RPS6KA2: variants seen among roughly 807,000 people sequenced by gnomAD.
The protein encoded by RPS6KA2 is ribosomal protein S6 kinase alpha-2.
A neutral mutation model predicts 91.8 loss-of-function variants in RPS6KA2; 42 were observed. That is an observed-to-expected ratio of 0.46 (90% CI 0.36 to 0.59). The LOEUF (loss-of-function observed/expected upper bound fraction) is 0.59. RPS6KA2 is among the 20% of genes least tolerant of loss of function. The pLI is 0.00. For synonymous variants in RPS6KA2, 414 were observed against 393.6 expected (o/e 1.05, Z -0.61); for missense variants, 798 against 978.5 (o/e 0.82, Z 2.46).
intron 11 of RPS6KA2, among the ~76,000 whole-genome samples, chr6:166,468,882 A>AGAG (rs1780645309): frequency 6.6e-6 from 1 of 151,362 alleles, no homozygotes; most frequent in Non-Finnish European, 1.5e-5. Flanking sequence ...AAGAAGACAG[A>AGAG]GAGGAAAGCG....
At chr6:166,548,641 AAAAGACATTT>A (rs1235180125) in intron 1 of RPS6KA2, among the ~76,000 whole-genome samples, 1 of 152,234 alleles carries the variant, frequency 6.6e-6, no homozygotes, top group Non-Finnish European at 1.5e-5. Flanking sequence ...GGCAAAGAAA[AAAAGACATTT>A]AACCTAAATT....
chr6:166,660,685 AC>A (rs1215796652), intron 2 of RPS6KA2, among the ~76,000 whole-genome samples: 1 of 152,134 alleles, frequency 6.6e-6, no homozygotes, highest in Non-Finnish European at 1.5e-5. Context: ...GTAACAGAAC[AC>A]CCACCAAACA....
At chr6:166,442,742 T>A (rs917735293) in intron 14 of RPS6KA2, among the ~76,000 whole-genome samples, 2 of 152,188 alleles carry the variant, frequency 1.3e-5, no homozygotes, top group South Asian at 2.1e-4. Context: ...GTTTTATGCC[T>A]ATTATGACAT....
chr6:166,489,437 C>A (rs1203083962), intron 9 of RPS6KA2, among the ~76,000 whole-genome samples: 1 of 152,130 alleles, frequency 6.6e-6, no homozygotes, highest in Admixed American at 6.5e-5. Context: ...CTGCAAACCC[C>A]GGGAGGGTCT....
chr6:166,612,683 A>G lies in RPS6KA2; in HGVS notation c.99+14238T>C, dbSNP rs1026677390. 3.3e-5 allele frequency among the ~76,000 whole-genome samples: 5 copies of G among 152,074 alleles called. No homozygotes were observed. Among genetic ancestry groups the G allele is most frequent in the African/African-American group, 9.7e-5 (4 of 41,408 alleles). ...TCTGTCCGGGCGTCTGTTGTTACCCATGCTCGGGTAGGAAAATGCTGAGTG... is the reference window on the plus strand; with the variant it reads ...TCTGTCCGGGCGTCTGTTGTTACCCGTGCTCGGGTAGGAAAATGCTGAGTG... On this transcript the variant is annotated intron_variant, in intron 1 of 20. Transcript: ENST00000265678. The surrounding 1 kb of genome is among the most constrained non-coding windows in gnomAD (Gnocchi z 4.3).
At chr6:166,509,784 T>C (rs1366932001) in intron 4 of RPS6KA2, among the ~76,000 whole-genome samples, 1 of 152,216 alleles carries the variant, frequency 6.6e-6, no homozygotes, top group Non-Finnish European at 1.5e-5. Flanking sequence ...TATGTGGCCT[T>C]TGGTTAATTA....
At chr6:166,581,551 GCCA>G (rs1785008732) in intron 1 of RPS6KA2, among the ~76,000 whole-genome samples, 1 of 151,874 alleles carries the variant, frequency 6.6e-6, no homozygotes, top group Admixed American at 6.6e-5. Context: ...GCCTGTTGAG[GCCA>G]CCGAGAGGCC....
At chr6:166,722,418 C>G (rs1029818894) in intron 2 of RPS6KA2, among the ~76,000 whole-genome samples, 42 of 152,160 alleles carry the variant, frequency 2.8e-4, no homozygotes, top group Non-Finnish European at 7.4e-5. Context: ...CAGAGGGCTC[C>G]CCTTATCTTA....
intron 1 of RPS6KA2, among the ~76,000 whole-genome samples, chr6:166,578,862 G>A (rs2128514358): frequency 6.6e-6 from 1 of 152,302 alleles, no homozygotes; most frequent in East Asian, 1.9e-4. Context: ...GATGGGATCT[G>A]TGCAGAGATA....
chr6:166,613,957 C>T (rs1407506144), intron 1 of RPS6KA2, among the ~76,000 whole-genome samples: 1 of 152,186 alleles, frequency 6.6e-6, no homozygotes, highest in Non-Finnish European at 1.5e-5. Context: ...TCTCACAGCC[C>T]ACCCCATCTT....
At chr6:166,574,874 C>T (rs1458652671) in intron 1 of RPS6KA2, among the ~76,000 whole-genome samples, 4 of 152,142 alleles carry the variant, frequency 2.6e-5, no homozygotes, top group African/African-American at 9.7e-5. Flanking sequence ...ATAAATGAAA[C>T]TTGTATTACC....
At chr6:166,522,773 C>A (rs1014163968) in intron 3 of RPS6KA2, among the ~76,000 whole-genome samples, 1 of 152,158 alleles carries the variant, frequency 6.6e-6, no homozygotes, top group African/African-American at 2.4e-5. Flanking sequence ...CACGAGCCAT[C>A]GTGTGGCTAA....
At chr6:166,575,462 C>G (rs142138726) in intron 1 of RPS6KA2, among the ~76,000 whole-genome samples, 2 of 152,090 alleles carry the variant, frequency 1.3e-5, no homozygotes, top group African/African-American at 4.8e-5. Context: ...TTGTGTTTAT[C>G]GTGTGAGGCT....
chr6:166,414,867 C>T lies in RPS6KA2; in HGVS notation c.1939-936G>A, dbSNP rs148385981. On this transcript the variant is annotated intron_variant, in intron 19 of 20. Transcript: ENST00000265678. The stretch of plus-strand genomic sequence containing the variant: ...ATCACTTGAGGTTAGGAGTTTGAGA[C>T]CAGCCTGGCCAACATGGTGAAACCC... Among the ~76,000 whole-genome samples the T allele has an allele frequency of 2.9e-3, 435 of 152,296 alleles. 1 individual carries two copies. The highest frequency in any genetic ancestry group is 0.02 in the Middle Eastern group (6 of 294).
At chr6:166,718,605 G>A (rs765974515) in intron 2 of RPS6KA2, among the ~76,000 whole-genome samples, 5 of 152,138 alleles carry the variant, frequency 3.3e-5, no homozygotes, top group Non-Finnish European at 5.9e-5. Context: ...TCTTTAAAGT[G>A]GTTAAAATAA....
At chr6:166,744,526 C>T (rs978647644) in intron 2 of RPS6KA2, among the ~76,000 whole-genome samples, 1 of 152,224 alleles carries the variant, frequency 6.6e-6, no homozygotes, top group African/African-American at 2.4e-5. Context: ...TGGGCCTCAG[C>T]CCCCAGGGAC....
At chr6:166,858,533 T>C (rs1780968846) in intron 1 of RPS6KA2, among the ~76,000 whole-genome samples, 1 of 152,056 alleles carries the variant, frequency 6.6e-6, no homozygotes, top group South Asian at 2.1e-4. Flanking sequence ...ATGAAGCGAG[T>C]GTGACTTACG....
intron 1 of RPS6KA2, among the ~76,000 whole-genome samples, chr6:166,584,614 G>A (rs1785113849): frequency 6.6e-6 from 1 of 152,186 alleles, no homozygotes; most frequent in Non-Finnish European, 1.5e-5. Flanking sequence ...CAGCTCTCCA[G>A]ATGTTAAGGA....
intron 1 of RPS6KA2, among the ~76,000 whole-genome samples, chr6:166,573,639 C>T (rs562748357): frequency 2.6e-5 from 4 of 152,202 alleles, no homozygotes; most frequent in Non-Finnish European, 5.9e-5. Flanking sequence ...TCTGTGGCTC[C>T]GGCCTCACCG....
Sources: allele counts gnomAD v4.1 joint callset (sites outside exome capture counted in the v4.1 genomes callset), GRCh38; gene constraint gnomAD v4.1.1; non-coding constraint Gnocchi (gnomAD v3.1); transcripts MANE v1.5; gene names NCBI Gene and HGNC (gene_info 2026-07-23, HGNC 2026-07-21).